PSME2: variants seen among roughly 807,000 people sequenced by gnomAD.
PSME2 encodes the protein proteasome activator subunit 2.
In PSME2, 20 loss-of-function variants were observed where a neutral mutation model predicts 38.8. The observed-to-expected ratio is 0.52, with a 90% CI of 0.36 to 0.75. The LOEUF is 0.75. Ranked by LOEUF, PSME2 falls within the 30% of genes least tolerant of loss-of-function variation. The pLI, the probability that PSME2 is intolerant of heterozygous loss-of-function variation, is 0.00. For synonymous variants in PSME2, 82 were observed against 102.5 expected (o/e 0.80, Z 1.21); for missense variants, 227 against 287.6 (o/e 0.79, Z 1.52).
chr14:24,146,051 G>C, intron 2 of PSME2, 157 bp downstream of exon 2: 1 of 930,180 alleles, frequency 1.1e-6, no homozygotes, highest in Non-Finnish European at 1.7e-6. Flanking sequence ...TCAGATTAAA[G>C]GTAGCTATCA....
chr14:24,146,409 G>A, intron 1 of PSME2, 125 bp downstream of exon 1: 3 of 1,445,272 alleles, frequency 2.1e-6, no homozygotes, highest in Non-Finnish European at 2.9e-6. Context: ...GGGAATCCCC[G>A]AGAAGTGAAG....
intron 3 of PSME2, 82 bp downstream of exon 3, chr14:24,145,628 C>T: frequency 6.6e-7 from 1 of 1,514,790 alleles, no homozygotes; most frequent in Non-Finnish European, 9.2e-7. Flanking sequence ...TCTCTGCATG[C>T]TGAATCCAGT....
Position 24,144,242 on chromosome 14 carries a change from C to A in PSME2, c.447G>T (p.Arg149Ser), listed in dbSNP as rs1293194390. The A allele has an allele frequency of 6.2e-7, 1 of 1,614,206 alleles. No homozygotes were observed. The highest frequency in any genetic ancestry group is 1.1e-5 in the South Asian group (1 of 91,082). Reference protein sequence around the residue: ...GVAIQEKVLERVNAVKTKVEA... With the variant: ...GVAIQEKVLESVNAVKTKVEA... ...CCACTTTGGTCTTGACGGCATTCAC[C>A]CTCTCCAGCACCTTCTCCTGTGGTG... The change falls in exon 8 of 11, where the codon AGG becomes AGT. Residue 149 changes from arginine (R) to serine (S), a missense_variant. Physicochemically the swap from Arg to Ser is moderately radical, Grantham distance 110. Around this residue, in one of 3 missense-constraint regions of PSME2, gnomAD observed 99 missense variants for 113.9 expected, o/e 0.87. Transcript: ENST00000216802.
rs551768773 is a variant in PSME2 at position 24,143,808 on chromosome 14, C to T, written c.553-137G>A. The T allele has an allele frequency of 7.9e-6, 10 of 1,268,724 alleles. No homozygotes were observed. The highest frequency in any genetic ancestry group is 2.3e-5 in the East Asian group (1 of 43,086). 78.6% of individuals were successfully genotyped at this position (1,268,724 alleles called of 1,614,324 possible). On this transcript the variant is annotated intron_variant, in intron 9 of 10. Transcript: ENST00000216802. The surrounding 1 kb of genome is among the most constrained non-coding windows in gnomAD (Gnocchi z 4.4). ...AGAAATAGGATCCCAAAGGACTGAGCAGAGAAAAGGGTCAAGGTTGTTGAA... is the reference window on the plus strand; with the variant it reads ...AGAAATAGGATCCCAAAGGACTGAGTAGAGAAAAGGGTCAAGGTTGTTGAA...
In PSME2 at chr14:24,146,256, T is replaced by G; in HGVS notation, c.49-16A>C. 1 of 1,613,586 alleles carries G rather than the reference T, an allele frequency of 6.2e-7. No individual in the cohort carries two copies. The highest frequency in any genetic ancestry group is 8.5e-7 in the Non-Finnish European group (1 of 1,179,548). ...AGACCTCCACCTACACAGAGAGCAG[T>G]ACCCGGATGTTGGTTAAGGGTCTGG... On this transcript the variant is annotated splice_polypyrimidine_tract_variant and intron_variant, in intron 1 of 10. Coordinates refer to ENST00000216802, the MANE Select transcript of PSME2 (RefSeq NM_002818.3).
In PSME2 at chr14:24,146,577, G is replaced by A. The variant is rs1237856318; in HGVS notation, c.5C>T (p.Ala2Val). Residue 2 changes from alanine to valine, a missense_variant, in exon 1 of 11, where the codon GCC (alanine) becomes GTC (valine). Transcript: ENST00000216802. ...GCTCAGGCGCACCCCACACGGCTTG[G>A]CCATGCTGCTTCAGTCGCTAGATCT... MAKPCGVRLSGE... is the reference protein window; with the variant it reads MVKPCGVRLSGE... The A allele has an allele frequency of 3.7e-6, 6 of 1,613,450 alleles. No individual in the cohort carries two copies. In the African/African-American group the frequency reaches 4.0e-5, roughly 11 times the overall value.
Position 24,145,107 on chromosome 14 carries a change from A to G in PSME2, c.311T>C (p.Leu104Pro), listed in dbSNP as rs1212428803. The stretch of plus-strand genomic sequence containing the variant: ...CCAGACTTCTGGCTTAACCAGGGCA[A>G]GCAGGGACAGGACTTTCTCATTCCC... The part of the protein sequence containing the change: ...LPGNEKVLSL[L>P]ALVKPEVWTL... The change falls in exon 6 of 11, where the codon CTT (leucine) becomes CCT (proline). Residue 104 changes from leucine (L) to proline (P), a missense_variant. Around this residue, in one of 3 missense-constraint regions of PSME2, gnomAD observed 48 missense variants for 96.4 expected, o/e 0.50. Transcript: ENST00000216802. The G allele has an allele frequency of 1.9e-6, 3 of 1,613,758 alleles. No homozygotes were observed. The highest frequency in any genetic ancestry group is 2.5e-6 in the Non-Finnish European group (3 of 1,179,810).
At chr14:24,146,117 A>G (rs751405112) in intron 2 of PSME2, 91 bp downstream of exon 2, 23 of 1,480,890 alleles carry the variant, frequency 1.6e-5, no homozygotes, top group Non-Finnish European at 2.1e-5. Context: ...GGTTAAGTCT[A>G]GGGTGACTTG....
At chr14:24,145,580 C>T (rs1036635432) in intron 3 of PSME2, 115 bp from the exon 4 acceptor site, 41 of 1,439,382 alleles carry the variant, frequency 2.8e-5, no homozygotes, top group Admixed American at 3.6e-5. Flanking sequence ...TCATGCCTCA[C>T]GCCATCCTAA....
intron 6 of PSME2, 136 bp from the exon 7 acceptor site, chr14:24,144,604 T>C (rs1178147332): frequency 1.2e-6 from 1 of 829,622 alleles, no homozygotes; most frequent in African/African-American, 1.7e-5. Context: ...ATTTATTTCA[T>C]GTAATCATCA....
At chr14:24,145,676 A>G in intron 3 of PSME2, 34 bp downstream of exon 3, 1 of 1,596,402 alleles carries the variant, frequency 6.3e-7, no homozygotes, top group South Asian at 1.1e-5. Context: ...GATAGAGGAC[A>G]TAGGATGGGG....
chr14:24,145,261 T>G lies in PSME2; in HGVS notation c.244A>C (p.Lys82Gln), dbSNP rs746920327. ...CTCTTACCTTCTTTCTTCTCCTGCT[T>G]ATCTGTTTCCATCTAAGGCAAAAAG... ...PPKDDEMETD[K>Q]QEKKEVHKCG... The change falls in exon 5 of 11, where the codon AAG becomes CAG. Residue 82 changes from lysine to glutamine, a missense_variant. Around this residue, in one of 3 missense-constraint regions of PSME2, gnomAD observed 48 missense variants for 96.4 expected, o/e 0.50. Coordinates refer to ENST00000216802, the MANE Select transcript of PSME2 (RefSeq NM_002818.3). 3 of 1,614,044 alleles carry G rather than the reference T, an allele frequency of 1.9e-6. No individual in the cohort carries two copies. In the South Asian group the frequency reaches 3.3e-5, roughly 18 times the overall value.
intron 6 of PSME2, 142 bp from the exon 7 acceptor site, chr14:24,144,610 C>T (rs542754163): frequency 4.7e-5 from 37 of 786,650 alleles, no homozygotes; most frequent in Non-Finnish European, 7.4e-5. Context: ...TTCATGTAAT[C>T]ATCACAGCAA....
chr14:24,145,938 C>G (rs1281406715), intron 2 of PSME2, 166 bp from the exon 3 acceptor site: 1 of 860,430 alleles, frequency 1.2e-6, no homozygotes, highest in East Asian at 2.6e-5. Context: ...AATGGCAGAA[C>G]GAAGGTTAGG....
At chr14:24,144,573 A>G (rs1255482443) in intron 6 of PSME2, 105 bp from the exon 7 acceptor site, 2 of 1,066,278 alleles carry the variant, frequency 1.9e-6, no homozygotes, top group Admixed American at 1.8e-5. Flanking sequence ...TACTTATTAC[A>G]TACCAGGTAC....
chr14:24,145,559 C>T, intron 3 of PSME2, 94 bp from the exon 4 acceptor site: 1 of 1,449,766 alleles, frequency 6.9e-7, no homozygotes. Flanking sequence ...ACTCTGCCTC[C>T]CAACCTAGGC....
At position 24,145,731 on chromosome 14, in the gene PSME2, T is replaced by C. The variant is rs2038142723; in HGVS notation, c.123A>G (p.Ile41Met). 1 of 1,614,078 alleles carries C rather than the reference T, an allele frequency of 6.2e-7. No homozygotes were observed. The highest frequency in any genetic ancestry group is 1.1e-5 in the South Asian group (1 of 91,084). The change falls in exon 3 of 11, where the codon ATA (isoleucine) becomes ATG (methionine). Residue 41 changes from isoleucine (I) to methionine (M), a missense_variant. Ile to Met is a conservative substitution (Grantham distance 10, BLOSUM62 1). Transcript: ENST00000216802. ...FLYRFLPQKI[I>M]YLNQLLQEDS... ...TCACTTGCAAGAGCTGATTCAGGTA[T>C]ATGATTTTCTGTGGCAAGAATCTGT...
At chr14:24,146,502 T>G (rs1328735097) in intron 1 of PSME2, 32 bp downstream of exon 1, 1 of 1,613,776 alleles carries the variant, frequency 6.2e-7, no homozygotes, top group Non-Finnish European at 8.5e-7. Context: ...GAGGGTTCTA[T>G]GACCCCTTCC....
chr14:24,143,370 A>G lies in PSME2; in HGVS notation c.*39T>C. On this transcript the variant is annotated 3_prime_UTR_variant, in exon 11 of 11. Transcript: ENST00000216802. This position sits in a 1 kb window ranked among gnomAD's most constrained non-coding sequence, Gnocchi z 4.4. Reference sequence around the variant, plus strand: ...TGACACACGCCAGAAGGGAATCCACACAACATATAGATCATTTATTTTCCT... The same window carrying G: ...TGACACACGCCAGAAGGGAATCCACGCAACATATAGATCATTTATTTTCCT... 6.4e-7 allele frequency: 1 copy of G among 1,574,380 alleles called. No homozygotes were observed. The highest frequency in any genetic ancestry group is 8.7e-7 in the Non-Finnish European group (1 of 1,144,160).
Sources: allele counts gnomAD v4.1 joint callset, GRCh38; gene constraint gnomAD v4.1.1; regional missense constraint gnomAD v4.1.1; non-coding constraint Gnocchi (gnomAD v3.1); transcripts MANE v1.5; gene names NCBI Gene and HGNC (gene_info 2026-07-23, HGNC 2026-07-21).